Variants in BMP5 observed in about 807,000 individuals in gnomAD.
The protein encoded by BMP5 is bone morphogenetic protein 5.
A neutral mutation model predicts 46.6 loss-of-function variants in BMP5; 23 were observed. That is an observed-to-expected ratio of 0.49 (90% CI 0.35 to 0.70). The LOEUF (loss-of-function observed/expected upper bound fraction) is 0.70. Ranked by LOEUF, BMP5 falls within the 30% of genes least tolerant of loss-of-function variation. The pLI is 0.00. For missense variants in BMP5, 545 were observed against 565.6 expected (o/e 0.96, Z 0.37); for synonymous variants, 204 against 191.9 (o/e 1.06, Z -0.52).
intron 3 of BMP5, among the ~76,000 whole-genome samples, chr6:55,774,818 G>A (rs1179007506): frequency 6.6e-6 from 1 of 151,928 alleles, no homozygotes; most frequent in Middle Eastern, 3.2e-3. Context: ...TCTGGGGATG[G>A]AGGTCTGCTT....
At chr6:55,793,459 G>A (rs570327557) in intron 3 of BMP5, among the ~76,000 whole-genome samples, 1 of 152,118 alleles carries the variant, frequency 6.6e-6, no homozygotes, top group East Asian at 1.9e-4. Context: ...ATCTGCATTG[G>A]CTCACTTTTA....
chr6:55,856,869 G>A (rs983295443), intron 1 of BMP5, among the ~76,000 whole-genome samples: 8 of 152,030 alleles, frequency 5.3e-5, no homozygotes, highest in African/African-American at 1.9e-4. Flanking sequence ...TTGTATGTGT[G>A]TGTGTAGGCT....
intron 2 of BMP5, among the ~76,000 whole-genome samples, chr6:55,801,808 A>G (rs893189036): frequency 1.3e-5 from 2 of 152,176 alleles, no homozygotes; most frequent in Admixed American, 1.3e-4. Context: ...ATTACCACAC[A>G]TGAACTTCCA....
intron 1 of BMP5, among the ~76,000 whole-genome samples, chr6:55,854,575 A>G (rs1205213927): frequency 6.6e-6 from 1 of 152,022 alleles, no homozygotes; most frequent in Non-Finnish European, 1.5e-5. Flanking sequence ...TACTAGACTC[A>G]TTTCACAATT....
intron 1 of BMP5, 146 bp downstream of exon 1, chr6:55,874,230 A>G (rs1390406011): frequency 5.3e-6 from 5 of 946,212 alleles, no homozygotes; most frequent in East Asian, 2.7e-5. Context: ...TAAGGCATCA[A>G]TGAAAGAAAG....
chr6:55,755,906 A>G (rs1582038616), intron 6 of BMP5, among the ~76,000 whole-genome samples: 1 of 152,040 alleles, frequency 6.6e-6, no homozygotes, highest in East Asian at 1.9e-4. Flanking sequence ...TGAACCTTGA[A>G]AAATATCTCA....
intron 3 of BMP5, among the ~76,000 whole-genome samples, chr6:55,788,414 A>G (rs1342512914): frequency 6.6e-6 from 1 of 151,800 alleles, no homozygotes; most frequent in African/African-American, 2.4e-5. Flanking sequence ...ATAACTGCCT[A>G]TATACTCTGC....
chr6:55,755,309 T>C lies in BMP5; in HGVS notation c.*224A>G. 2 of 473,586 alleles carry C rather than the reference T, an allele frequency of 4.2e-6. No homozygotes were observed. The highest frequency in any genetic ancestry group is 3.7e-5 in the East Asian group (1 of 26,968). The allele number at this position is 473,586 out of a possible 1,614,324, so 29.3% of individuals were successfully genotyped here. ...TTATACTAGATGATCTATTGTATAA[T>C]GTAGTGGCCTATGAAATAGATTTTA... On this transcript the variant is annotated 3_prime_UTR_variant, in exon 7 of 7. Coordinates refer to ENST00000370830, the MANE Select transcript of BMP5 (RefSeq NM_021073.4).
chr6:55,867,009 T>A (rs1262120702), intron 1 of BMP5, among the ~76,000 whole-genome samples: 1 of 152,176 alleles, frequency 6.6e-6, no homozygotes, highest in Non-Finnish European at 1.5e-5. Context: ...CAACCAATGT[T>A]TATTTATCTA....
intron 1 of BMP5, among the ~76,000 whole-genome samples, chr6:55,866,901 G>C (rs2127555370): frequency 6.6e-6 from 1 of 151,974 alleles, no homozygotes; most frequent in Non-Finnish European, 1.5e-5. Flanking sequence ...ATTCTCTCTT[G>C]AATTTTACTA....
At chr6:55,841,381 T>G (rs986030061) in intron 1 of BMP5, among the ~76,000 whole-genome samples, 1 of 152,192 alleles carries the variant, frequency 6.6e-6, no homozygotes, top group Admixed American at 6.5e-5. Context: ...AGCTATGTTT[T>G]TCTCCAAAAA....
chr6:55,763,882 T>A (rs1774844980), intron 4 of BMP5, among the ~76,000 whole-genome samples: 1 of 152,184 alleles, frequency 6.6e-6, no homozygotes, highest in East Asian at 1.9e-4. Context: ...ATAAATTTAA[T>A]CTTTAGTTCG....
chr6:55,859,938 A>T (rs1444094661), intron 1 of BMP5, among the ~76,000 whole-genome samples: 1 of 152,224 alleles, frequency 6.6e-6, no homozygotes, highest in Non-Finnish European at 1.5e-5. Flanking sequence ...GTTTCTTTGC[A>T]TAGTTCAAAT....
rs749177314 is a variant in BMP5, at chr6:55,819,850, GA to G, written c.491-4del. 6.2e-6 allele frequency: 10 copies of G among 1,612,294 alleles called. No homozygotes were observed. In the East Asian group the frequency reaches 2.2e-4, roughly 36 times the overall value. On this transcript the variant is annotated splice_polypyrimidine_tract_variant and splice_region_variant and intron_variant, in intron 1 of 6. Coordinates refer to ENST00000370830, the MANE Select transcript of BMP5 (RefSeq NM_021073.4). ...AGAAAAATCCTTGTCTCTTTCAACT[GA>G]AAAAATAAAGGGGGTTGAGGGGGAA...
intron 2 of BMP5, among the ~76,000 whole-genome samples, chr6:55,795,614 C>A (rs1396131251): frequency 1.3e-5 from 2 of 151,862 alleles, no homozygotes; most frequent in Non-Finnish European, 2.9e-5. Flanking sequence ...AAAAGTGAAC[C>A]ATTTTAACAA....
intron 2 of BMP5, among the ~76,000 whole-genome samples, chr6:55,801,940 G>T (rs977213336): frequency 6.6e-6 from 1 of 152,224 alleles, no homozygotes; most frequent in Admixed American, 6.5e-5. Context: ...GCCTTTTGAA[G>T]ACTCAGTTAT....
rs920526341 is a variant in BMP5, at chr6:55,864,675, A to G, written c.490+9701T>C. 8.5e-5 allele frequency among the ~76,000 whole-genome samples: 13 copies of G among 152,324 alleles called. 1 individual carries two copies. Among genetic ancestry groups the G allele is most frequent in the Admixed American group, 6.5e-4 (10 of 15,298 alleles). On this transcript the variant is annotated intron_variant, in intron 1 of 6. Transcript: ENST00000370830. ...GACTTATCTTCCAGCATTTTATCAA[A>G]TAATGAGAAAACAATAAATCTATGT... is the stretch of plus-strand genomic sequence containing the variant.
intron 1 of BMP5, among the ~76,000 whole-genome samples, chr6:55,867,419 CA>C (rs1284061931): frequency 6.6e-6 from 1 of 152,160 alleles, no homozygotes; most frequent in African/African-American, 2.4e-5. Context: ...CCTCTGCCCA[CA>C]ACACTATAAA....
At chr6:55,857,886 C>A (rs574105042) in intron 1 of BMP5, among the ~76,000 whole-genome samples, 3 of 152,096 alleles carry the variant, frequency 2.0e-5, no homozygotes, top group African/African-American at 4.8e-5. Context: ...TACAGGCATG[C>A]GCCACCAGGC....
Sources: allele counts gnomAD v4.1 joint callset (sites outside exome capture counted in the v4.1 genomes callset), GRCh38; gene constraint gnomAD v4.1.1; transcripts MANE v1.5; gene names NCBI Gene and HGNC (gene_info 2026-07-23, HGNC 2026-07-21).